The following ANO7 variants were observed in gnomAD, a reference collection of about 807,000 sequenced individuals.
ANO7 encodes the protein anoctamin 7.
A neutral mutation model predicts 115.8 loss-of-function variants in ANO7; 114 were observed. That is an observed-to-expected ratio of 0.98 (90% confidence interval 0.85 to 1.15). The LOEUF is 1.15. ANO7 is among the 50% of genes most tolerant of loss of function. The pLI, the probability that ANO7 is intolerant of heterozygous loss-of-function variation, is 0.00. For missense variants in ANO7, 1,302 were observed against 1,201.2 expected (o/e 1.08, Z -1.24); for synonymous variants, 550 against 498.2 (o/e 1.10, Z -1.38).
At position 241,209,486 on chromosome 2, in the gene ANO7, G is replaced by A. The variant is rs1434998308; in HGVS notation, c.1222-12G>A. 1.9e-6 allele frequency: 3 copies of A among 1,597,848 alleles called. No homozygotes were observed. The highest frequency in any genetic ancestry group is 1.7e-5 in the Admixed American group (1 of 59,210). On this transcript the variant is annotated splice_polypyrimidine_tract_variant and intron_variant, in intron 12 of 24. Coordinates refer to ENST00000674324, the MANE Select transcript of ANO7 (RefSeq NM_001370694.2). ...CGGCGAGGGCCGCCACTGAGCACCG[G>A]CTCCCTTCCAGGAGAGGCCTCGGCC...
rs2068743290 is a variant in ANO7 at position 241,212,696 on chromosome 2, G to C, written c.1728+70G>C. On this transcript the variant is annotated intron_variant, in intron 17 of 24. Coordinates refer to ENST00000674324, the MANE Select transcript of ANO7 (RefSeq NM_001370694.2). ...TCCTCTCACTTCCATTCTTCCATTC[G>C]AGCTTTGATTTGCAGCAATTCCTCC... is the stretch of plus-strand genomic sequence containing the variant. 2.7e-5 allele frequency: 41 copies of C among 1,502,582 alleles called. 1 individual carries two copies. The South Asian group carries it at 5.1e-4, about 19-fold the overall frequency. The allele number at this position is 1,502,582 out of a possible 1,614,324, so 93.1% of individuals were successfully genotyped here.
At chr2:241,232,600 T>C in the ANO7 span, among the ~76,000 whole-genome samples, 2 of 152,058 alleles carry the variant, frequency 1.3e-5, no homozygotes, top group African/African-American at 4.8e-5. Context: ...AGATTGATAA[T>C]TATATAGAAT....
At position 241,203,612 on chromosome 2, in the gene ANO7, G is replaced by A; in HGVS notation, c.889+114G>A. The A allele has an allele frequency of 5.3e-6, 4 of 759,892 alleles. No homozygotes were observed. In the South Asian group the frequency reaches 7.2e-5, roughly 14 times the overall value. The allele number at this position is 759,892 out of a possible 1,614,324, so 47.1% of individuals were successfully genotyped here. ...GGCAGCGTGCGTGGGGGCCTGGACGGTGGGCGCAGCTCTTGGCTCGACCGG... is the reference window on the plus strand; with the variant it reads ...GGCAGCGTGCGTGGGGGCCTGGACGATGGGCGCAGCTCTTGGCTCGACCGG... On this transcript the variant is annotated intron_variant, in intron 9 of 24. Transcript: ENST00000674324. This position sits in a 1 kb window ranked among gnomAD's most constrained non-coding sequence, Gnocchi z 4.8.
rs776344913 is a variant in ANO7, at chr2:241,223,281, C to T, written c.2412+5C>T. ...GCCTTCGTCATTGTGTTTGAGGTAG[C>T]CGAGGCACCTGCTGGTTCTCCCATC... On this transcript the variant is annotated splice_donor_5th_base_variant and intron_variant, in intron 22 of 24. Coordinates refer to ENST00000674324, the MANE Select transcript of ANO7 (RefSeq NM_001370694.2). 30 of 1,614,112 alleles carry T rather than the reference C, an allele frequency of 1.9e-5. No homozygotes were observed. The highest frequency in any genetic ancestry group is 2.5e-5 in the Non-Finnish European group (29 of 1,180,040).
intron 13 of ANO7, 63 bp downstream of exon 13, chr2:241,209,698 G>T: frequency 6.7e-7 from 1 of 1,489,998 alleles, no homozygotes. Context: ...GGGTGGTTTT[G>T]TCCCCCATCT....
chr2:241,193,279 G>A (rs1289640606), intron 3 of ANO7, among the ~76,000 whole-genome samples: 1 of 151,946 alleles, frequency 6.6e-6, no homozygotes, highest in Non-Finnish European at 1.5e-5. Flanking sequence ...CATGTTGGTT[G>A]GGCAGGTCTT....
At chr2:241,228,858 T>G (rs529829526), downstream of ANO7, 1 of 152,958 alleles carries the variant, frequency 6.5e-6, no homozygotes, top group Admixed American at 6.5e-5. Flanking sequence ...CAGCAGACAC[T>G]GTGACGGCCA....
Position 241,225,551 on chromosome 2 carries a change from T to C in ANO7, c.*1398T>C, listed in dbSNP as rs1301268696. ...GGAACACACACACACAAAAAGAATA[T>C]GTGGTTTTAATGTGCTTTGATGAGT... On this transcript the variant is annotated 3_prime_UTR_variant, in exon 25 of 25. Coordinates refer to ENST00000674324, the MANE Select transcript of ANO7 (RefSeq NM_001370694.2). Among the ~76,000 whole-genome samples, 2 of 152,102 alleles carry C rather than the reference T, an allele frequency of 1.3e-5. No homozygotes were observed. Among genetic ancestry groups the C allele is most frequent in the African/African-American group, 4.8e-5 (2 of 41,408 alleles).
chr2:241,236,846 G>T, the ANO7 span: 6 of 1,471,276 alleles, frequency 4.1e-6, 1 homozygote, highest in Non-Finnish European at 5.6e-6. Context: ...GCATATGTCT[G>T]TGAGGCACCT....
rs778637626 is a variant in ANO7 at position 241,209,541 on chromosome 2, C to A, written c.1265C>A (p.Ala422Asp). The A allele has an allele frequency of 2.0e-4, 317 of 1,598,180 alleles. No individual in the cohort carries two copies. The highest frequency in any genetic ancestry group is 2.5e-4 in the Non-Finnish European group (289 of 1,173,266). The stretch of plus-strand genomic sequence containing the variant: ...TTTGCCGCCTCAGCCCCCATGACAG[C>A]CCCGAACCCCATCACGGGTGAGGAC... ...PQFAASAPMTAPNPITGEDEP... is the reference protein window; with the variant it reads ...PQFAASAPMTDPNPITGEDEP... The change falls in exon 13 of 25, where the codon GCC becomes GAC. Residue 422 changes from alanine to aspartate, a missense_variant. Transcript: ENST00000674324.
intron 15 of ANO7, 28 bp downstream of exon 15, chr2:241,210,598 T>C: frequency 6.3e-7 from 1 of 1,599,278 alleles, no homozygotes. Context: ...GGCCAGGCAC[T>C]GACCAGGGGC....
the ANO7 span, chr2:241,240,031 C>T: frequency 2.5e-6 from 4 of 1,614,066 alleles, no homozygotes; most frequent in Non-Finnish European, 3.4e-6. This position sits in a 1 kb window ranked among gnomAD's most constrained non-coding sequence, Gnocchi z 5.5. Context: ...AGTGCTGTCG[C>T]GCACCTTGCG....
intron 10 of ANO7, 37 bp downstream of exon 10, chr2:241,204,992 C>G (rs769847339): frequency 1.3e-6 from 2 of 1,589,312 alleles, no homozygotes; most frequent in Non-Finnish European, 1.7e-6. Context: ...GGGCCTGGTG[C>G]TGGGCCTCCA....
At chr2:241,207,789 A>T (rs942274215) in intron 11 of ANO7, 119 bp downstream of exon 11, 39 of 902,606 alleles carry the variant, frequency 4.3e-5, no homozygotes, top group Non-Finnish European at 6.4e-5. Context: ...CACCAGCTAA[A>T]GGCAGAACGC....
chr2:241,225,816 G>A lies in ANO7; in HGVS notation c.*1663G>A, dbSNP rs541610242. On this transcript the variant is annotated 3_prime_UTR_variant, in exon 25 of 25. Coordinates refer to ENST00000674324, the MANE Select transcript of ANO7 (RefSeq NM_001370694.2). ...TGGACACCACCGGCCGGAGCATGGCGGACAGCACACACGGCCCGGGGCGGG... is the reference window on the plus strand; with the variant it reads ...TGGACACCACCGGCCGGAGCATGGCAGACAGCACACACGGCCCGGGGCGGG... Among the ~76,000 whole-genome samples the A allele has an allele frequency of 5.9e-5, 9 of 152,320 alleles. No homozygotes were observed. Among genetic ancestry groups the A allele is most frequent in the Admixed American group, 2.0e-4 (3 of 15,308 alleles).
At chr2:241,229,550 G>A (rs1328546192), downstream of ANO7, 8 of 1,322,720 alleles carry the variant, frequency 6.0e-6, no homozygotes, top group Non-Finnish European at 8.7e-6. Context: ...AAACCATTGT[G>A]TGGTTGGGTT....
intron 21 of ANO7, 102 bp downstream of exon 21, chr2:241,218,483 G>T: frequency 9.1e-7 from 1 of 1,093,190 alleles, no homozygotes. Context: ...CGGGAGGGGC[G>T]GGCGCCGCCG....
the ANO7 span, chr2:241,236,238 C>A: frequency 1.1e-5 from 3 of 275,570 alleles, no homozygotes; most frequent in Non-Finnish European, 2.1e-5. Flanking sequence ...TCGACACTGA[C>A]TGCACACAAG....
At position 241,209,504 on chromosome 2, in the gene ANO7, C is replaced by A. The variant is rs1207967967; in HGVS notation, c.1228C>A (p.Pro410Thr). Reference sequence around the variant, plus strand: ...AGCACCGGCTCCCTTCCAGGAGAGGCCTCGGCCCCAGTTTGCCGCCTCAGC... The same window carrying A: ...AGCACCGGCTCCCTTCCAGGAGAGGACTCGGCCCCAGTTTGCCGCCTCAGC... ...CSDYEDTEER[P>T]RPQFAASAPM... is the part of the protein sequence containing the mutation. Residue 410 changes from proline (P) to threonine (T), a missense_variant, in exon 13 of 25, where the codon CCT becomes ACT. Transcript: ENST00000674324. The A allele has an allele frequency of 1.3e-6, 2 of 1,592,582 alleles. No homozygotes were observed. Among genetic ancestry groups the A allele is most frequent in the East Asian group, 2.2e-5 (1 of 44,572 alleles).
Sources: gnomAD v4.1 joint callset for allele counts (sites outside exome capture counted in the v4.1 genomes callset) on GRCh38, gnomAD v4.1.1 for gene constraint, Gnocchi (gnomAD v3.1) non-coding constraint, MANE v1.5 for transcripts, NCBI Gene and HGNC (gene_info 2026-07-23, HGNC 2026-07-21) for gene names.